OSBPL3: variants seen among roughly 807,000 people sequenced by gnomAD.
OSBPL3 encodes oxysterol-binding protein-related protein 3.
A neutral mutation model predicts 120.1 loss-of-function variants in OSBPL3; 65 were observed. That is an observed-to-expected ratio of 0.54 (90% confidence interval 0.44 to 0.67). The LOEUF (loss-of-function observed/expected upper bound fraction) is 0.67, where lower values mean the gene tolerates loss of function less well. Ranked by LOEUF, OSBPL3 falls within the 30% of genes least tolerant of loss-of-function variation. OSBPL3 has a pLI of 0.00. For synonymous variants in OSBPL3, 416 were observed against 402.6 expected (o/e 1.03, Z -0.40); for missense variants, 1,004 against 1,082.1 (o/e 0.93, Z 1.01).
rs1342173607 is a variant in OSBPL3, at chr7:24,912,616, G to A, written c.-149-19995C>T. On this transcript the variant is annotated intron_variant, in intron 1 of 22. Transcript: ENST00000313367. The surrounding 1 kb of genome is among the most constrained non-coding windows in gnomAD (Gnocchi z 4.5). ...CAATCATAGCTCCTGAAAATGAGAAGCACCCAGTCTCCAGACCCAAGGCAG... is the reference window on the plus strand; with the variant it reads ...CAATCATAGCTCCTGAAAATGAGAAACACCCAGTCTCCAGACCCAAGGCAG... Among the ~76,000 whole-genome samples, 2 of 152,202 alleles carry A rather than the reference G, an allele frequency of 1.3e-5. No homozygotes were observed. Among genetic ancestry groups the A allele is most frequent in the African/African-American group, 4.8e-5 (2 of 41,446 alleles).
intron 19 of OSBPL3, among the ~76,000 whole-genome samples, chr7:24,814,678 C>T (rs1011741390): frequency 6.6e-6 from 1 of 152,190 alleles, no homozygotes; most frequent in Non-Finnish European, 1.5e-5. Flanking sequence ...GACCACCATT[C>T]TGCTTTCTTT....
chr7:24,971,261 GAA>G (rs1286188243), intron 1 of OSBPL3, among the ~76,000 whole-genome samples: 1 of 152,260 alleles, frequency 6.6e-6, no homozygotes, highest in East Asian at 1.9e-4. Flanking sequence ...GTGATCATAG[GAA>G]AACTACTTCG....
At chr7:24,917,444 T>TAC (rs1442991310) in intron 1 of OSBPL3, among the ~76,000 whole-genome samples, 8 of 114,266 alleles carry the variant, frequency 7.0e-5, no homozygotes, top group South Asian at 6.7e-4. Flanking sequence ...CATATATATA[T>TAC]ATACACACAC....
intron 1 of OSBPL3, among the ~76,000 whole-genome samples, chr7:24,943,797 G>A (rs1813373829): frequency 6.6e-6 from 1 of 152,186 alleles, no homozygotes; most frequent in Non-Finnish European, 1.5e-5. Context: ...GACTGCTGAA[G>A]ATGTCATTAT....
rs555838780 is a variant in OSBPL3 at position 24,805,494 on chromosome 7, T to A, written c.2445-1057A>T. 1.6e-4 allele frequency among the ~76,000 whole-genome samples: 24 copies of A among 152,310 alleles called. No individual in the cohort carries two copies. The highest frequency in any genetic ancestry group is 2.6e-4 in the Admixed American group (4 of 15,296). On this transcript the variant is annotated intron_variant, in intron 21 of 22. Coordinates refer to ENST00000313367, the MANE Select transcript of OSBPL3 (RefSeq NM_015550.4). This position sits in a 1 kb window ranked among gnomAD's most constrained non-coding sequence, Gnocchi z 4.0. ...TGCTTGCCATTCTTTAAACACCACA[T>A]ACGTTATTAATATATACTGTATATT...
rs1463052631 is a variant in OSBPL3 at position 24,898,497 on chromosome 7, A to T, written c.-149-5876T>A. On this transcript the variant is annotated intron_variant, in intron 1 of 22. Transcript: ENST00000313367. This position sits in a 1 kb window ranked among gnomAD's most constrained non-coding sequence, Gnocchi z 4.3. The stretch of plus-strand genomic sequence containing the variant: ...GCAAGACAGGAGTCAAGAGGCCTAA[A>T]GACTCAAATGCTTACTCTGGCACAA... Among the ~76,000 whole-genome samples, 1 of 152,216 alleles carries T rather than the reference A, an allele frequency of 6.6e-6. No individual in the cohort carries two copies. Among genetic ancestry groups the T allele is most frequent in the African/African-American group, 2.4e-5 (1 of 41,452 alleles).
chr7:24,865,112 A>G (rs1422904459), intron 7 of OSBPL3, among the ~76,000 whole-genome samples: 1 of 152,230 alleles, frequency 6.6e-6, no homozygotes, highest in East Asian at 1.9e-4. Flanking sequence ...TCAGGCATCA[A>G]TACTGAAGGA....
rs1264505135 is a variant in OSBPL3, at chr7:24,806,280, T to C, written c.2444+496A>G. ...TCTTTTCTTTCCTTGGGCTTCTAGA[T>C]TTTGAGTCTTAATTAGAAAGGCCTT... On this transcript the variant is annotated intron_variant, in intron 21 of 22. Coordinates refer to ENST00000313367, the MANE Select transcript of OSBPL3 (RefSeq NM_015550.4). The surrounding 1 kb of genome is among the most constrained non-coding windows in gnomAD (Gnocchi z 5.2). Among the ~76,000 whole-genome samples the C allele has an allele frequency of 6.6e-6, 1 of 152,208 alleles. No individual in the cohort carries two copies. The highest frequency in any genetic ancestry group is 1.5e-5 in the Non-Finnish European group (1 of 68,036).
chr7:24,839,590 T>C (rs1797439781), intron 14 of OSBPL3, among the ~76,000 whole-genome samples: 1 of 152,182 alleles, frequency 6.6e-6, no homozygotes, highest in African/African-American at 2.4e-5. Flanking sequence ...ATCATATCTT[T>C]TATTATGTAA....
chr7:24,839,313 T>A (rs1449391654), intron 14 of OSBPL3, among the ~76,000 whole-genome samples: 2 of 152,188 alleles, frequency 1.3e-5, no homozygotes, highest in East Asian at 3.8e-4. Context: ...GTGGGCAGAT[T>A]CTTTTTAAGG....
In OSBPL3 at chr7:24,882,005, G is replaced by T. The variant is rs1803757466; in HGVS notation, c.97-9936C>A. On this transcript the variant is annotated intron_variant, in intron 2 of 22. Transcript: ENST00000313367. ...AGGGCCCACCTGGATAATCTGAGCT[G>T]CCCTACTCATCTCAAATCCTTAAAT... 2.0e-5 allele frequency among the ~76,000 whole-genome samples: 3 copies of T among 152,258 alleles called. No individual in the cohort carries two copies. In the East Asian group the frequency reaches 5.8e-4, roughly 29 times the overall value.
Position 24,804,402 on chromosome 7 carries a change from A to C in OSBPL3, c.2480T>G (p.Ile827Arg), listed in dbSNP as rs745413408. Reference sequence around the variant, plus strand: ...CAGTTGTTCAATCCTCTGCTTTTGTATTTCAGCTTCTTCTAAGTTCCCTTC... The same window carrying C: ...CAGTTGTTCAATCCTCTGCTTTTGTCTTTCAGCTTCTTCTAAGTTCCCTTC... Reference protein sequence around the residue: ...LEEGNLEEAEIQKQRIEQLQR... With the variant: ...LEEGNLEEAERQKQRIEQLQR... Residue 827 changes from isoleucine to arginine, a missense_variant, in exon 22 of 23, where the codon ATA (isoleucine) becomes AGA (arginine). By Grantham distance (97) the Ile-to-Arg change is moderately conservative. Transcript: ENST00000313367. The surrounding 1 kb of genome is among the most constrained non-coding windows in gnomAD (Gnocchi z 5.4). 2 of 1,613,898 alleles carry C rather than the reference A, an allele frequency of 1.2e-6. No individual in the cohort carries two copies. Among genetic ancestry groups the C allele is most frequent in the East Asian group, 4.5e-5 (2 of 44,882 alleles).
chr7:24,941,050 AC>A (rs569760271), intron 1 of OSBPL3, among the ~76,000 whole-genome samples: 2 of 152,212 alleles, frequency 1.3e-5, no homozygotes, highest in African/African-American at 4.8e-5. Flanking sequence ...CGATCTCCTG[AC>A]CTTGTGATCC....
chr7:24,926,124 C>G (rs557575619), intron 1 of OSBPL3, among the ~76,000 whole-genome samples: 98 of 152,136 alleles, frequency 6.4e-4, no homozygotes, highest in Non-Finnish European at 1.1e-3. Flanking sequence ...AACAATTACC[C>G]CTCAGGTGTA....
chr7:24,848,432 T>C lies in OSBPL3; in HGVS notation c.1266+637A>G, dbSNP rs934493846. On this transcript the variant is annotated intron_variant, in intron 12 of 22. Transcript: ENST00000313367. ...TACTTTCATTACTCTTTCCTACTTATTTTTTGAGTAACCTACTTGTACTTT... is the reference window on the plus strand; with the variant it reads ...TACTTTCATTACTCTTTCCTACTTACTTTTTGAGTAACCTACTTGTACTTT... Among the ~76,000 whole-genome samples the C allele has an allele frequency of 5.3e-5, 8 of 152,362 alleles. No individual in the cohort carries two copies. The South Asian group carries it at 1.7e-3, about 32-fold the overall frequency.
intron 15 of OSBPL3, among the ~76,000 whole-genome samples, chr7:24,832,240 G>A (rs1429294492): frequency 3.4e-5 from 5 of 146,680 alleles, no homozygotes; most frequent in Non-Finnish European, 7.5e-5. Flanking sequence ...GGCCAGGCAC[G>A]GTAGCTCACA....
rs1174895316 is a variant in OSBPL3 at position 24,863,693 on chromosome 7, G to A, written c.674-94C>T. On this transcript the variant is annotated intron_variant, in intron 7 of 22. Transcript: ENST00000313367. This position sits in a 1 kb window ranked among gnomAD's most constrained non-coding sequence, Gnocchi z 5.8. ...GCCAGCTACTTTTCCTTATTTATCT[G>A]TAGTTGATTTTTTTTTTCATCTGTA... The A allele has an allele frequency of 7.4e-6, 6 of 809,926 alleles. No homozygotes were observed. The highest frequency in any genetic ancestry group is 5.1e-5 in the East Asian group (2 of 39,086). The allele number at this position is 809,926 out of a possible 1,614,324, so 50.2% of individuals were successfully genotyped here. A position where few individuals can be genotyped will look rare whatever the true frequency, so the allele number is the denominator to read the frequency against.
rs1813814013 is a variant in OSBPL3, at chr7:24,947,021, C to A, written c.-150+32865G>T. 6.6e-6 allele frequency among the ~76,000 whole-genome samples: 1 copy of A among 151,964 alleles called. No individual in the cohort carries two copies. Among genetic ancestry groups the A allele is most frequent in the Non-Finnish European group, 1.5e-5 (1 of 68,016 alleles). On this transcript the variant is annotated intron_variant, in intron 1 of 22. Transcript: ENST00000313367. The surrounding 1 kb of genome is among the most constrained non-coding windows in gnomAD (Gnocchi z 4.4). ...GCCGCTTTCATGTCTTTAAATTGTA[C>A]AACAAAGAAAACAATCTGTACCACA...
intron 1 of OSBPL3, among the ~76,000 whole-genome samples, chr7:24,979,042 C>A (rs1817894550): frequency 6.6e-6 from 1 of 152,172 alleles, no homozygotes; most frequent in Non-Finnish European, 1.5e-5. Flanking sequence ...CTGGGCAGCG[C>A]TAAGAGGCTG....
Sources: allele counts gnomAD v4.1 joint callset (sites outside exome capture counted in the v4.1 genomes callset), GRCh38; gene constraint gnomAD v4.1.1; non-coding constraint Gnocchi (gnomAD v3.1); transcripts MANE v1.5; gene names NCBI Gene and HGNC (gene_info 2026-07-23, HGNC 2026-07-21).